The following DCC variants were observed in gnomAD, a reference collection of about 807,000 sequenced individuals.
DCC encodes the protein netrin receptor DCC.
DCC carries 58 observed loss-of-function variants against 172.5 expected under a neutral mutation model. That is an observed-to-expected ratio of 0.34 (90% CI 0.27 to 0.42). The LOEUF (loss-of-function observed/expected upper bound fraction) is 0.42. Ranked by LOEUF, DCC falls within the 10% of genes least tolerant of loss-of-function variation. The probability of loss-of-function intolerance (pLI) is 1.00; values close to 1 mark genes in which losing one functional copy is unlikely to be tolerated. For missense variants in DCC, 1,740 were observed against 1,791.0 expected (o/e 0.97, Z 0.51); for synonymous variants, 709 against 644.5 (o/e 1.10, Z -1.52).
chr18:53,229,987 T>G (rs946715425), intron 12 of DCC, among the ~76,000 whole-genome samples: 4 of 152,148 alleles, frequency 2.6e-5, no homozygotes, highest in Non-Finnish European at 5.9e-5. Context: ...TACCTGGCTA[T>G]CTTGTTTTGC....
At chr18:53,146,413 T>G (rs73960203) in intron 7 of DCC, among the ~76,000 whole-genome samples, 2,484 of 152,270 alleles carry the variant, frequency 0.016, 82 homozygotes, top group African/African-American at 0.057. Context: ...GAAGTTGGTG[T>G]CCTCACATGG....
chr18:52,916,344 A>G (rs532234127), intron 3 of DCC, among the ~76,000 whole-genome samples: 1 of 152,178 alleles, frequency 6.6e-6, no homozygotes, highest in Admixed American at 6.6e-5. Flanking sequence ...TTCAAGGAAA[A>G]TAATATTTAC....
At chr18:53,054,812 A>C (rs979589279) in intron 5 of DCC, among the ~76,000 whole-genome samples, 1 of 152,158 alleles carries the variant, frequency 6.6e-6, no homozygotes, top group Admixed American at 6.6e-5. Context: ...TTTCTCAGCA[A>C]ATTGTGCTCA....
In DCC at chr18:52,640,876, A is replaced by G. The variant is rs529151861; in HGVS notation, c.92-111178A>G. ...ATTAGAAAAAACAATTCTAAAATTC[A>G]TATGGAACCAAAAAAGAGCCCACAT... is the stretch of plus-strand genomic sequence containing the variant. On this transcript the variant is annotated intron_variant, in intron 1 of 28. Coordinates refer to ENST00000442544, the MANE Select transcript of DCC (RefSeq NM_005215.4). 4.6e-5 allele frequency among the ~76,000 whole-genome samples: 7 copies of G among 152,290 alleles called. No homozygotes were observed. In the East Asian group the frequency reaches 1.4e-3, roughly 29 times the overall value.
intron 12 of DCC, among the ~76,000 whole-genome samples, chr18:53,233,448 CT>C (rs1459442211): frequency 2.6e-5 from 4 of 152,282 alleles, no homozygotes; most frequent in African/African-American, 4.8e-5. Flanking sequence ...TTTCTATACA[CT>C]TTTTCCCTAG....
chr18:52,625,503 T>C (rs930153956), intron 1 of DCC, among the ~76,000 whole-genome samples: 18 of 152,178 alleles, frequency 1.2e-4, no homozygotes, highest in African/African-American at 4.3e-4. Flanking sequence ...ACCATCTTCA[T>C]TGACTTTACT....
chr18:52,829,734 A>G (rs2145291703), intron 2 of DCC, among the ~76,000 whole-genome samples: 1 of 152,240 alleles, frequency 6.6e-6, no homozygotes, highest in East Asian at 1.9e-4. Context: ...ACTTTTTGCC[A>G]GGAACTGTTC....
intron 5 of DCC, among the ~76,000 whole-genome samples, chr18:52,926,675 A>T (rs1385383360): frequency 6.6e-6 from 1 of 151,366 alleles, no homozygotes; most frequent in East Asian, 1.9e-4. Context: ...CATGAGGTCA[A>T]ATTTTATTTC....
chr18:53,350,420 C>T (rs185907985), intron 15 of DCC, among the ~76,000 whole-genome samples: 1 of 152,122 alleles, frequency 6.6e-6, no homozygotes, highest in Non-Finnish European at 1.5e-5. Context: ...ATTGTAATTT[C>T]CTTTTATTCT....
At chr18:52,685,453 T>C (rs1226021417) in intron 1 of DCC, among the ~76,000 whole-genome samples, 1 of 152,126 alleles carries the variant, frequency 6.6e-6, no homozygotes. Context: ...TGTTGAAATT[T>C]TGATTCCCAG....
intron 5 of DCC, among the ~76,000 whole-genome samples, chr18:53,035,201 C>T (rs529290061): frequency 6.6e-6 from 1 of 151,410 alleles, no homozygotes; most frequent in East Asian, 2.0e-4. Context: ...GGGAACATTA[C>T]AGATCTTCTG....
chr18:53,517,943 T>G (rs2046357023), intron 27 of DCC, among the ~76,000 whole-genome samples: 1 of 152,090 alleles, frequency 6.6e-6, no homozygotes, highest in Non-Finnish European at 1.5e-5. Context: ...TGTTCAATAT[T>G]TGTTGAAGAT....
At chr18:52,659,947 A>G (rs1462654555) in intron 1 of DCC, among the ~76,000 whole-genome samples, 1 of 152,142 alleles carries the variant, frequency 6.6e-6, no homozygotes, top group East Asian at 1.9e-4. Flanking sequence ...TATTGATTAG[A>G]CCACTGAAAC....
chr18:53,216,838 C>A (rs986112430), intron 12 of DCC, among the ~76,000 whole-genome samples: 6 of 151,922 alleles, frequency 3.9e-5, no homozygotes, highest in African/African-American at 7.2e-5. Context: ...GGAAAATAAT[C>A]AAAAATTAAC....
intron 3 of DCC, among the ~76,000 whole-genome samples, chr18:52,919,985 A>T (rs542517951): frequency 7.9e-5 from 12 of 151,462 alleles, no homozygotes; most frequent in African/African-American, 2.7e-4. Flanking sequence ...TCGCCTTTTC[A>T]ACAAGTGGTA....
chr18:53,185,607 T>C (rs1262221696), intron 9 of DCC, among the ~76,000 whole-genome samples: 1 of 152,214 alleles, frequency 6.6e-6, no homozygotes, highest in African/African-American at 2.4e-5. Flanking sequence ...CGAATTCATA[T>C]ATGATTACTG....
In DCC at chr18:52,587,186, G is replaced by A. The variant is rs556808282; in HGVS notation, c.92-164868G>A. ...ACCCTGAGGAATGGTGCTATATCGC[G>A]GGCTCAGTGTTGGTCTCTGCTGCTG... On this transcript the variant is annotated intron_variant, in intron 1 of 28. Transcript: ENST00000442544. Among the ~76,000 whole-genome samples, 4 of 152,298 alleles carry A rather than the reference G, an allele frequency of 2.6e-5. No homozygotes were observed. In the South Asian group the frequency reaches 8.3e-4, roughly 32 times the overall value.
intron 1 of DCC, among the ~76,000 whole-genome samples, chr18:52,487,368 A>T (rs1025184825): frequency 1.3e-5 from 2 of 152,194 alleles, no homozygotes; most frequent in Non-Finnish European, 2.9e-5. Context: ...TATCATTGAG[A>T]TACTCAGTAC....
intron 5 of DCC, among the ~76,000 whole-genome samples, chr18:53,030,339 G>C (rs902350708): frequency 2.0e-5 from 3 of 152,056 alleles, no homozygotes; most frequent in Admixed American, 6.6e-5. Context: ...TGCAGGGAAG[G>C]TTCTGCCACA....
Sources: allele counts gnomAD v4.1 joint callset (sites outside exome capture counted in the v4.1 genomes callset), GRCh38; gene constraint gnomAD v4.1.1; transcripts MANE v1.5; gene names NCBI Gene and HGNC (gene_info 2026-07-23, HGNC 2026-07-21).